The following COBL variants were observed in gnomAD, a reference collection of about 807,000 sequenced individuals.
COBL encodes the protein protein cordon-bleu.
A neutral mutation model predicts 98.8 loss-of-function variants in COBL; 51 were observed. The ratio of observed to expected loss-of-function variants is 0.52; its 90% CI spans 0.41 to 0.65. COBL has a LOEUF of 0.65. Ranked by LOEUF, COBL falls within the 30% of genes least tolerant of loss-of-function variation. COBL has a pLI of 0.00. For synonymous variants in COBL, 634 were observed against 651.7 expected (o/e 0.97, Z 0.41); for missense variants, 1,617 against 1,617.5 (o/e 1.00, Z 0.01).
intron 1 of COBL, among the ~76,000 whole-genome samples, chr7:51,263,784 C>T (rs561729875): frequency 8.5e-5 from 13 of 152,282 alleles, no homozygotes; most frequent in African/African-American, 3.1e-4. Context: ...GATAATGACA[C>T]AATTTTTATG....
chr7:51,284,199 G>A (rs1197861605), intron 1 of COBL, among the ~76,000 whole-genome samples: 4 of 151,030 alleles, frequency 2.6e-5, no homozygotes, highest in Non-Finnish European at 5.9e-5. Flanking sequence ...TACTCGGGAG[G>A]CTGAGGCAGG....
chr7:51,302,180 G>A (rs546625865), intron 1 of COBL, among the ~76,000 whole-genome samples: 267 of 152,306 alleles, frequency 1.8e-3, no homozygotes, highest in Middle Eastern at 3.4e-3. Flanking sequence ...AATTTGGAGG[G>A]GGTCACATAA....
intron 7 of COBL, chr7:51,073,057 A>G (rs1792721916): frequency 3.4e-6 from 1 of 298,430 alleles, no homozygotes; most frequent in Middle Eastern, 9.1e-4. Flanking sequence ...ATGAATTAAA[A>G]TAAAGCAGAG....
At chr7:51,303,038 G>A (rs1237717124) in intron 1 of COBL, among the ~76,000 whole-genome samples, 2 of 152,132 alleles carry the variant, frequency 1.3e-5, no homozygotes, top group East Asian at 3.9e-4. Flanking sequence ...ACAAGCTACT[G>A]TTTTATCACT....
At chr7:51,101,967 T>G (rs1212260023) in intron 6 of COBL, among the ~76,000 whole-genome samples, 1 of 152,154 alleles carries the variant, frequency 6.6e-6, no homozygotes, top group Non-Finnish European at 1.5e-5. Context: ...GAAGCCTTCA[T>G]GAATGGCATT....
intron 5 of COBL, chr7:51,156,676 ACAGT>A (rs1006703854): frequency 2.6e-5 from 18 of 699,110 alleles, no homozygotes; most frequent in Non-Finnish European, 3.0e-5. Flanking sequence ...TTTCCAATGT[ACAGT>A]CAATAAAAAA....
intron 1 of COBL, among the ~76,000 whole-genome samples, chr7:51,233,171 A>T (rs1321237452): frequency 6.6e-6 from 1 of 152,244 alleles, no homozygotes; most frequent in Non-Finnish European, 1.5e-5. Context: ...GCATCTAATT[A>T]TGTATAGTGA....
At chr7:51,249,019 C>A (rs938197833) in intron 1 of COBL, among the ~76,000 whole-genome samples, 1 of 152,182 alleles carries the variant, frequency 6.6e-6, no homozygotes, top group Non-Finnish European at 1.5e-5. Context: ...CTGAACATAT[C>A]TTTTTCTAAA....
At chr7:51,230,215 C>T (rs1233883265) in intron 1 of COBL, among the ~76,000 whole-genome samples, 12 of 152,216 alleles carry the variant, frequency 7.9e-5, no homozygotes, top group Admixed American at 7.9e-4. Flanking sequence ...ACTGCCACCT[C>T]GCTGCCACAA....
At chr7:51,235,250 T>C (rs1185561833) in intron 1 of COBL, among the ~76,000 whole-genome samples, 2 of 152,186 alleles carry the variant, frequency 1.3e-5, no homozygotes, top group East Asian at 1.9e-4. Context: ...CTCAGTTTTA[T>C]ATCGTGGCCC....
At chr7:51,092,960 A>G (rs568380906) in intron 6 of COBL, among the ~76,000 whole-genome samples, 1 of 151,920 alleles carries the variant, frequency 6.6e-6, no homozygotes, top group Non-Finnish European at 1.5e-5. Flanking sequence ...TCAGCATGCT[A>G]TATAGTTTTC....
At chr7:51,266,320 T>C (rs1381290116) in intron 1 of COBL, among the ~76,000 whole-genome samples, 3 of 152,240 alleles carry the variant, frequency 2.0e-5, no homozygotes, top group Admixed American at 6.5e-5. Flanking sequence ...GGCTCAAGCC[T>C]ATAATCCCAG....
intron 7 of COBL, chr7:51,073,307 T>C: frequency 2.9e-6 from 2 of 681,836 alleles, no homozygotes; most frequent in Admixed American, 2.1e-5. Context: ...GAAGAGACAC[T>C]GGGAAAGGTC....
chr7:51,285,551 T>C (rs897125519), intron 1 of COBL, among the ~76,000 whole-genome samples: 1 of 152,198 alleles, frequency 6.6e-6, no homozygotes, highest in Non-Finnish European at 1.5e-5. Context: ...GTAAAGTATT[T>C]AGGTATAAGT....
Position 51,141,105 on chromosome 7 carries a change from ATCTT to A in COBL, c.784-4778_784-4775del, listed in dbSNP as rs559350017. On this transcript the variant is annotated intron_variant, in intron 5 of 12. Transcript: ENST00000265136. Reference sequence around the variant, plus strand: ...ACAAACAGGAGATGCTGTACCTGAAATCTTTCTGTTTAAATCGATTTAAAAAAAA... The same window carrying A: ...ACAAACAGGAGATGCTGTACCTGAAATCTGTTTAAATCGATTTAAAAAAAA... 4.6e-5 allele frequency among the ~76,000 whole-genome samples: 7 copies of A among 151,988 alleles called. 1 individual carries two copies. The South Asian group carries it at 1.2e-3, about 27-fold the overall frequency.
chr7:51,245,489 A>G (rs1305376947), intron 1 of COBL, among the ~76,000 whole-genome samples: 1 of 152,208 alleles, frequency 6.6e-6, no homozygotes, highest in East Asian at 1.9e-4. Flanking sequence ...TTCTGTCTCA[A>G]CCACCAGACT....
chr7:51,115,410 T>C (rs1333183455), intron 6 of COBL, among the ~76,000 whole-genome samples: 1 of 152,140 alleles, frequency 6.6e-6, no homozygotes, highest in Admixed American at 6.5e-5. Context: ...CATTTAAAGT[T>C]ATAAATTTTC....
chr7:51,144,740 G>A (rs998059432), intron 5 of COBL, among the ~76,000 whole-genome samples: 1 of 152,150 alleles, frequency 6.6e-6, no homozygotes, highest in Admixed American at 6.5e-5. Context: ...ACCCCAGTTT[G>A]CTTTTAGACT....
At chr7:51,103,046 C>T (rs1795947503) in intron 6 of COBL, among the ~76,000 whole-genome samples, 1 of 152,158 alleles carries the variant, frequency 6.6e-6, no homozygotes, top group Admixed American at 6.5e-5. Context: ...GAGGGAAGAT[C>T]TCATGTTCAG....
Sources: allele counts gnomAD v4.1 joint callset (sites outside exome capture counted in the v4.1 genomes callset), GRCh38; gene constraint gnomAD v4.1.1; transcripts MANE v1.5; gene names NCBI Gene and HGNC (gene_info 2026-07-23, HGNC 2026-07-21).